The following BRD7 variants were observed in gnomAD, a reference collection of about 807,000 sequenced individuals.
BRD7 encodes the protein bromodomain-containing protein 7.
A neutral mutation model predicts 82.1 loss-of-function variants in BRD7; 15 were observed. That is an observed-to-expected ratio of 0.18 (90% CI 0.12 to 0.28). BRD7 has a LOEUF of 0.28. Ranked by LOEUF, BRD7 falls within the 10% of genes least tolerant of loss-of-function variation. The pLI is 1.00. For synonymous variants in BRD7, 232 were observed against 266.9 expected (o/e 0.87, Z 1.27); for missense variants, 638 against 779.9 (o/e 0.82, Z 2.17).
At chr16:50,346,245 G>A (rs553373168) in intron 5 of BRD7, among the ~76,000 whole-genome samples, 27 of 152,274 alleles carry the variant, frequency 1.8e-4, no homozygotes, top group African/African-American at 6.0e-4. Flanking sequence ...CAACATACCA[G>A]AATCTCTGGG....
At chr16:50,325,636 CT>C (rs1269831555) in intron 11 of BRD7, 111 bp downstream of exon 11, 6 of 998,984 alleles carry the variant, frequency 6.0e-6, no homozygotes, top group Non-Finnish European at 8.4e-6. Context: ...AAAAAAATTA[CT>C]GAGCACATTT....
chr16:50,326,235 T>A (rs776752676), intron 10 of BRD7, 49 bp downstream of exon 10: 9 of 1,486,398 alleles, frequency 6.1e-6, no homozygotes, highest in Non-Finnish European at 8.4e-6. Context: ...CTTTCCCTAA[T>A]ATCCCAAAAC....
intron 5 of BRD7, among the ~76,000 whole-genome samples, chr16:50,343,671 G>A (rs2038164603): frequency 6.6e-6 from 1 of 152,206 alleles, no homozygotes; most frequent in South Asian, 2.1e-4. Context: ...GCATGGCTCA[G>A]AGGGTCCCAT....
At chr16:50,332,299 A>C (rs760927137) in intron 8 of BRD7, among the ~76,000 whole-genome samples, 1 of 152,230 alleles carries the variant, frequency 6.6e-6, no homozygotes, top group Non-Finnish European at 1.5e-5. Context: ...TAAGGAACTT[A>C]AATCAACAAG....
chr16:50,322,537 T>C (rs1290544934), intron 12 of BRD7, among the ~76,000 whole-genome samples: 1 of 152,232 alleles, frequency 6.6e-6, no homozygotes, highest in Non-Finnish European at 1.5e-5. Flanking sequence ...CAATCAATGA[T>C]GTCATCTTTC....
In BRD7 at chr16:50,368,979, C is replaced by G. The variant is rs946164098; in HGVS notation, c.-205G>C. 42 of 149,642 alleles carry G rather than the reference C, an allele frequency of 2.8e-4. No homozygotes were observed. Among genetic ancestry groups the G allele is most frequent in the Admixed American group, 5.5e-4 (8 of 14,620 alleles). 9.3% of individuals were successfully genotyped at this position (149,642 alleles called of 1,614,324 possible). Reference sequence around the variant, plus strand: ...CCCGGCCGGAGCCCGAGAGCGGCGGCGGGGGGGGCGCGCGGCCGGCGCAGA... The same window carrying G: ...CCCGGCCGGAGCCCGAGAGCGGCGGGGGGGGGGGCGCGCGGCCGGCGCAGA... On this transcript the variant is annotated 5_prime_UTR_variant, in exon 1 of 17. Coordinates refer to ENST00000394688, the MANE Select transcript of BRD7 (RefSeq NM_013263.5).
At position 50,328,992 on chromosome 16, in the gene BRD7, T is replaced by A. The variant is rs558382123; in HGVS notation, c.1012-248A>T. Among the ~76,000 whole-genome samples the A allele has an allele frequency of 2.0e-5, 3 of 152,316 alleles. No homozygotes were observed. The South Asian group carries it at 6.2e-4, about 32-fold the overall frequency. Reference sequence around the variant, plus strand: ...TAAATAATTTTGTGCACCCGTCACATGAGGTCAGGTGTGGAAGTTTCCACT... The same window carrying A: ...TAAATAATTTTGTGCACCCGTCACAAGAGGTCAGGTGTGGAAGTTTCCACT... On this transcript the variant is annotated intron_variant, in intron 8 of 16. Transcript: ENST00000394688.
intron 13 of BRD7, among the ~76,000 whole-genome samples, chr16:50,321,207 G>T (rs186128410): frequency 2.8e-4 from 43 of 152,206 alleles, no homozygotes; most frequent in African/African-American, 1.0e-3. Context: ...CACTTCCCGG[G>T]TCTTCTCCAG....
At chr16:50,358,793 AG>A (rs2038837116) in intron 2 of BRD7, among the ~76,000 whole-genome samples, 1 of 152,228 alleles carries the variant, frequency 6.6e-6, no homozygotes, top group Non-Finnish European at 1.5e-5. Context: ...GGAGTCCAAA[AG>A]AAAAAAAGAA....
Position 50,326,388 on chromosome 16 carries a change from G to A in BRD7, c.1091C>T (p.Pro364Leu). ...TCCCAGTCTCACAGGGCAGTAGCCT[G>A]GCTCTACAACATAAAACAGAGCACA... ...LHPVDPIVGE[P>L]GYCPVRLGMT... The change falls in exon 10 of 17, where the codon CCA (proline) becomes CTA (leucine). Residue 364 changes from proline (P) to leucine (L), a missense_variant. By Grantham distance (98) the Pro-to-Leu change is moderately conservative. This residue lies in a region of BRD7 where 402 missense variants were observed against 500.8 expected (regional missense o/e 0.80). Transcript: ENST00000394688. 1 of 1,576,440 alleles carries A rather than the reference G, an allele frequency of 6.3e-7. No individual in the cohort carries two copies. Among genetic ancestry groups the A allele is most frequent in the South Asian group, 1.1e-5 (1 of 87,754 alleles).
chr16:50,332,434 T>A (rs1311197843), intron 8 of BRD7, among the ~76,000 whole-genome samples: 2 of 151,862 alleles, frequency 1.3e-5, no homozygotes, highest in Non-Finnish European at 2.9e-5. Context: ...ATTGGAGAAA[T>A]GCAAATCAAA....
intron 6 of BRD7, among the ~76,000 whole-genome samples, chr16:50,337,244 C>T (rs1270607762): frequency 6.8e-6 from 1 of 146,152 alleles, no homozygotes; most frequent in African/African-American, 2.5e-5. Flanking sequence ...TACTCTTCAT[C>T]TGTTCATTCT....
chr16:50,345,825 C>CT (rs1295618698), intron 5 of BRD7, among the ~76,000 whole-genome samples: 2 of 151,484 alleles, frequency 1.3e-5, no homozygotes, highest in Admixed American at 6.6e-5. Flanking sequence ...TAATGCAAAA[C>CT]TTTAACACCC....
chr16:50,355,009 T>C, intron 2 of BRD7, 87 bp from the exon 3 acceptor site: 1 of 1,430,288 alleles, frequency 7.0e-7, no homozygotes, highest in Non-Finnish European at 9.5e-7. Context: ...TAAAAAGACA[T>C]CATTGTAAAG....
rs112516393 is a variant in BRD7 at position 50,316,927 on chromosome 16, C to A, written c.*2284G>T. ...CCCATGAACCCCGTAAAGTTCTACA[C>A]AAAGTCTTGCATACAGGAGCCTTTA... On this transcript the variant is annotated 3_prime_UTR_variant, in exon 17 of 17. Coordinates refer to ENST00000394688, the MANE Select transcript of BRD7 (RefSeq NM_013263.5). The A allele has an allele frequency of 1.7e-4, 26 of 152,754 alleles. No homozygotes were observed. The highest frequency in any genetic ancestry group is 3.1e-4 in the African/African-American group (13 of 41,552). The allele number at this position is 152,754 out of a possible 1,614,324, so 9.5% of individuals were successfully genotyped here.
chr16:50,332,042 T>A (rs1042560300), intron 8 of BRD7, among the ~76,000 whole-genome samples: 1 of 152,114 alleles, frequency 6.6e-6, no homozygotes, highest in Non-Finnish European at 1.5e-5. Flanking sequence ...AATCCTAGAA[T>A]AAAACCTTGG....
rs1392902704 is a variant in BRD7 at position 50,368,962 on chromosome 16, G to C, written c.-188C>G. ...GAAGACGGCGCGCGAGACCCGGCCG[G>C]AGCCCGAGAGCGGCGGCGGGGGGGG... is the stretch of plus-strand genomic sequence containing the variant. On this transcript the variant is annotated 5_prime_UTR_variant, in exon 1 of 17. Transcript: ENST00000394688. 6.2e-6 allele frequency: 1 copy of C among 160,132 alleles called. No homozygotes were observed. The highest frequency in any genetic ancestry group is 6.9e-5 in the Admixed American group (1 of 14,540). The allele number at this position is 160,132 out of a possible 1,614,324, so 9.9% of individuals were successfully genotyped here. A position where few individuals can be genotyped will look rare whatever the true frequency, so the allele number is the denominator to read the frequency against.
At chr16:50,333,306 C>T (rs768935582) in intron 8 of BRD7, among the ~76,000 whole-genome samples, 2 of 152,180 alleles carry the variant, frequency 1.3e-5, no homozygotes, top group African/African-American at 2.4e-5. Context: ...TACAAATGAA[C>T]ACAGATGGTC....
At chr16:50,349,255 G>A (rs2038416595) in intron 5 of BRD7, 1 of 218,484 alleles carries the variant, frequency 4.6e-6, no homozygotes. Flanking sequence ...GTGGGGTGGG[G>A]GCATGGGGGA....
Sources: allele counts gnomAD v4.1 joint callset (sites outside exome capture counted in the v4.1 genomes callset), GRCh38; gene constraint gnomAD v4.1.1; regional missense constraint gnomAD v4.1.1; transcripts MANE v1.5; gene names NCBI Gene and HGNC (gene_info 2026-07-23, HGNC 2026-07-21).